Variants in SPAG16 observed in about 807,000 individuals in gnomAD.
The protein encoded by SPAG16 is sperm-associated antigen 16 protein.
SPAG16 carries 86 observed loss-of-function variants against 80.4 expected under a neutral mutation model. The ratio of observed to expected loss-of-function variants is 1.07; its 90% confidence interval spans 0.90 to 1.28. The LOEUF is 1.28. Ranked by LOEUF, SPAG16 falls within the 50% of genes most tolerant of loss-of-function variation. The probability of loss-of-function intolerance (pLI) is 0.00; values close to 1 mark genes in which losing one functional copy is unlikely to be tolerated. For missense variants in SPAG16, 870 were observed against 765.3 expected (o/e 1.14, Z -1.61); for synonymous variants, 294 against 265.9 (o/e 1.11, Z -1.03).
At chr2:213,622,322 T>C (rs1574528843) in intron 10 of SPAG16, among the ~76,000 whole-genome samples, 1 of 152,298 alleles carries the variant, frequency 6.6e-6, no homozygotes, top group Non-Finnish European at 1.5e-5. Flanking sequence ...ACTCATCAGA[T>C]CACCATGTCC....
chr2:214,363,180 T>C (rs1313824388), intron 15 of SPAG16, among the ~76,000 whole-genome samples: 1 of 151,950 alleles, frequency 6.6e-6, no homozygotes, highest in Non-Finnish European at 1.5e-5. Context: ...TCACTTTCCT[T>C]ATAGTTCTAA....
At chr2:213,792,576 CTTTTT>C (rs11372174) in intron 10 of SPAG16, among the ~76,000 whole-genome samples, 3 of 78,252 alleles carry the variant, frequency 3.8e-5, no homozygotes, top group African/African-American at 4.9e-5. Context: ...AAATGAGTAT[CTTTTT>C]TTTTTTTTTT....
chr2:213,714,856 G>A lies in SPAG16; in HGVS notation c.1071-147629G>A, dbSNP rs138402287. ...TTATAAGTTAAAAGAGAAGATAAATGATGTAGTTTTCATTAAGTGCCAGAC... is the reference window on the plus strand; with the variant it reads ...TTATAAGTTAAAAGAGAAGATAAATAATGTAGTTTTCATTAAGTGCCAGAC... On this transcript the variant is annotated intron_variant, in intron 10 of 15. Coordinates refer to ENST00000331683, the MANE Select transcript of SPAG16 (RefSeq NM_024532.5). 2.6e-4 allele frequency among the ~76,000 whole-genome samples: 40 copies of A among 152,250 alleles called. No individual in the cohort carries two copies. The East Asian group carries it at 7.3e-3, about 28-fold the overall frequency.
At chr2:213,573,806 A>G (rs2060015214) in intron 10 of SPAG16, among the ~76,000 whole-genome samples, 1 of 152,210 alleles carries the variant, frequency 6.6e-6, no homozygotes, top group South Asian at 2.1e-4. Flanking sequence ...CACTCCCAGA[A>G]GCTTTGAATA....
At chr2:213,702,332 A>G (rs548306657) in intron 10 of SPAG16, among the ~76,000 whole-genome samples, 6 of 152,352 alleles carry the variant, frequency 3.9e-5, no homozygotes, top group East Asian at 3.9e-4. Context: ...GTCTCTTTTC[A>G]TGCTGTGGAA....
rs1050986911 is a variant in SPAG16 at position 214,392,396 on chromosome 2, T to C, written c.1721-17744T>C. On this transcript the variant is annotated intron_variant, in intron 15 of 15. Transcript: ENST00000331683. ...GTCTCGAACTCCTGACCTCAAGTGA[T>C]CCACCCGCCTCAGCCTCCCAAAGGC... 9.2e-5 allele frequency among the ~76,000 whole-genome samples: 14 copies of C among 152,116 alleles called. No homozygotes were observed. The South Asian group carries it at 1.2e-3, about 14-fold the overall frequency.
intron 14 of SPAG16, among the ~76,000 whole-genome samples, chr2:214,108,787 A>G (rs2125406754): frequency 6.6e-6 from 1 of 152,304 alleles, no homozygotes; most frequent in Middle Eastern, 3.4e-3. Flanking sequence ...GTCCTTCTTC[A>G]TAAAAACTGA....
intron 15 of SPAG16, among the ~76,000 whole-genome samples, chr2:214,300,097 T>A (rs1381179640): frequency 6.6e-6 from 1 of 152,146 alleles, no homozygotes; most frequent in African/African-American, 2.4e-5. Flanking sequence ...GAGAACAGAT[T>A]TTTATTGAAC....
chr2:214,111,027 T>C (rs1205247033), intron 14 of SPAG16, among the ~76,000 whole-genome samples: 1 of 152,196 alleles, frequency 6.6e-6, no homozygotes, highest in African/African-American at 2.4e-5. Context: ...ATTCTGGATA[T>C]TAGCCCTTTG....
chr2:213,634,323 C>G (rs2062274632), intron 10 of SPAG16, among the ~76,000 whole-genome samples: 1 of 152,076 alleles, frequency 6.6e-6, no homozygotes, highest in Admixed American at 6.6e-5. Flanking sequence ...AACTTTGTCT[C>G]CCTCACTTTT....
intron 15 of SPAG16, among the ~76,000 whole-genome samples, chr2:214,222,832 A>G (rs1456039016): frequency 6.6e-6 from 1 of 152,180 alleles, no homozygotes; most frequent in Non-Finnish European, 1.5e-5. Context: ...GATGTGCCTC[A>G]TACCAAATAA....
chr2:214,193,397 G>A (rs943881054), intron 15 of SPAG16, among the ~76,000 whole-genome samples: 10 of 52,090 alleles, frequency 1.9e-4, no homozygotes, highest in Non-Finnish European at 2.9e-4. Flanking sequence ...GATCTTTTAT[G>A]TGTGTGTGTG....
At chr2:213,801,780 G>C (rs2071423916) in intron 10 of SPAG16, among the ~76,000 whole-genome samples, 1 of 152,186 alleles carries the variant, frequency 6.6e-6, no homozygotes, top group Non-Finnish European at 1.5e-5. Context: ...GTGTCAATAT[G>C]AGAAGGGATG....
chr2:214,366,792 C>T (rs1358766203), intron 15 of SPAG16, among the ~76,000 whole-genome samples: 1 of 152,082 alleles, frequency 6.6e-6, no homozygotes, highest in Non-Finnish European at 1.5e-5. Context: ...TGCTTCAGCT[C>T]CTGCCATCTG....
intron 10 of SPAG16, among the ~76,000 whole-genome samples, chr2:213,684,296 C>G (rs2064549113): frequency 6.6e-6 from 1 of 152,062 alleles, no homozygotes; most frequent in African/African-American, 2.4e-5. Flanking sequence ...AAATGAAGTA[C>G]TATAGGTCTT....
chr2:213,811,077 TA>T (rs1002639174), intron 10 of SPAG16, among the ~76,000 whole-genome samples: 1 of 152,214 alleles, frequency 6.6e-6, no homozygotes, highest in African/African-American at 2.4e-5. Flanking sequence ...TATTAAATTT[TA>T]AAAGGAAGCA....
At chr2:214,243,118 GAGCC>G (rs1204428282) in intron 15 of SPAG16, among the ~76,000 whole-genome samples, 6 of 152,136 alleles carry the variant, frequency 3.9e-5, no homozygotes, top group African/African-American at 1.4e-4. Flanking sequence ...ATAGAGGAAA[GAGCC>G]TAGAAACCTG....
chr2:214,038,772 T>A (rs1444207147), intron 13 of SPAG16, among the ~76,000 whole-genome samples: 1 of 147,708 alleles, frequency 6.8e-6, no homozygotes, highest in Non-Finnish European at 1.5e-5. Flanking sequence ...AATTCCCACC[T>A]ATGAGTGAGA....
intron 14 of SPAG16, 151 bp downstream of exon 14, chr2:214,108,412 G>T (rs1264256589): frequency 2.6e-5 from 10 of 387,376 alleles, no homozygotes; most frequent in East Asian, 5.0e-5. Flanking sequence ...AAGTCTATAG[G>T]TATATAGGGT....
Sources: allele counts gnomAD v4.1 joint callset (sites outside exome capture counted in the v4.1 genomes callset), GRCh38; gene constraint gnomAD v4.1.1; transcripts MANE v1.5; gene names NCBI Gene and HGNC (gene_info 2026-07-23, HGNC 2026-07-21).